DCAKD: variants seen among roughly 807,000 people sequenced by gnomAD.
DCAKD encodes the protein dephospho-CoA kinase domain containing, also known as dephospho-CoA kinase domain-containing protein.
In DCAKD, 15 loss-of-function variants were observed where a neutral mutation model predicts 18.7. The ratio of observed to expected loss-of-function variants is 0.80; its 90% CI spans 0.54 to 1.24. The LOEUF (loss-of-function observed/expected upper bound fraction) is 1.24. Among genes scored for constraint, DCAKD ranks in the 50% most tolerant of loss-of-function variants. DCAKD has a pLI of 0.00. For missense variants in DCAKD, 301 were observed against 322.0 expected (o/e 0.93, Z 0.50); for synonymous variants, 130 against 133.0 (o/e 0.98, Z 0.16).
intron 4 of DCAKD, among the ~76,000 whole-genome samples, chr17:45,027,354 G>A (rs1249948686): frequency 6.6e-6 from 1 of 152,210 alleles, no homozygotes; most frequent in African/African-American, 2.4e-5. Flanking sequence ...ATGAAATCAT[G>A]TTTTGGTATA....
At chr17:45,049,831 T>C (rs2053653101) in intron 1 of DCAKD, among the ~76,000 whole-genome samples, 1 of 146,130 alleles carries the variant, frequency 6.8e-6, no homozygotes, top group African/African-American at 2.5e-5. Context: ...GTGATTCTCC[T>C]ACCTCGACCT....
rs111932723 is a variant in DCAKD at position 45,060,292 on chromosome 17, G to C, written c.-118+596C>G. On this transcript the variant is annotated intron_variant, in intron 1 of 4. Transcript: ENST00000310604. Reference sequence around the variant, plus strand: ...TAATCCCAGCACTTTGCGGGGTTGGGGTAGGAAGATCCTTAGAGGCCAGGA... The same window carrying C: ...TAATCCCAGCACTTTGCGGGGTTGGCGTAGGAAGATCCTTAGAGGCCAGGA... 1.7e-3 allele frequency among the ~76,000 whole-genome samples: 252 copies of C among 152,152 alleles called. 1 individual carries two copies. The highest frequency in any genetic ancestry group is 5.7e-3 in the African/African-American group (238 of 41,506).
intron 4 of DCAKD, among the ~76,000 whole-genome samples, chr17:45,025,741 CTTCTTTTT>C (rs1567827653): frequency 3.2e-5 from 4 of 126,820 alleles, no homozygotes; most frequent in African/African-American, 8.6e-5. Flanking sequence ...ATTTTGGTTC[CTTCTTTTT>C]TTTTTTTTTT....
chr17:45,040,566 A>G (rs1026681769), intron 1 of DCAKD, among the ~76,000 whole-genome samples: 5 of 152,208 alleles, frequency 3.3e-5, no homozygotes, highest in Admixed American at 2.0e-4. Flanking sequence ...TGCAGGAGAA[A>G]TGGAAGCTGG....
At chr17:45,024,993 AACTTTGGCCACAGC>A (rs910572251) in intron 4 of DCAKD, among the ~76,000 whole-genome samples, 1 of 146,706 alleles carries the variant, frequency 6.8e-6, no homozygotes, top group Non-Finnish European at 1.5e-5. Flanking sequence ...ACAAGGGGGG[AACTTTGGCCACAGC>A]TCTTTTTTTT....
chr17:45,053,981 G>A (rs2053754039), upstream of DCAKD: 1 of 483,786 alleles, frequency 2.1e-6, no homozygotes, highest in Non-Finnish European at 4.1e-6. Context: ...AATACCCAGT[G>A]CCCTGCACAG....
chr17:45,033,357 C>A, intron 3 of DCAKD, among the ~76,000 whole-genome samples: 1 of 152,198 alleles, frequency 6.6e-6, no homozygotes, highest in Non-Finnish European at 1.5e-5. Context: ...ACTTGCTTTC[C>A]CAAATGGCTC....
chr17:45,059,298 T>C (rs1417718341), intron 1 of DCAKD, among the ~76,000 whole-genome samples: 1 of 152,186 alleles, frequency 6.6e-6, no homozygotes, highest in East Asian at 1.9e-4. Flanking sequence ...TGTGTTTTAT[T>C]TGTGTTTTCT....
At chr17:45,031,676 G>A in intron 3 of DCAKD, 1 of 985,244 alleles carries the variant, frequency 1.0e-6, no homozygotes, top group Non-Finnish European at 1.2e-6. Context: ...CTCTCCCCTT[G>A]CTGTCCTTTC....
Position 45,024,479 on chromosome 17 carries a change from G to A in DCAKD, c.650C>T (p.Ala217Val), listed in dbSNP as rs374657984. ...FGVLTGLAAI[A>V]SLLYLLTHYL... ...GTGGGTGAGCAGGTAGAGGAGGCTG[G>A]CAATGGCAGCGAGCCCTGTGAGGAC... Residue 217 changes from alanine to valine, a missense_variant, in exon 5 of 5, where the codon GCC becomes GTC. Physicochemically the swap from Ala to Val is moderately conservative, Grantham distance 64. Transcript: ENST00000651974. 1.2e-6 allele frequency: 2 copies of A among 1,613,212 alleles called. No individual in the cohort carries two copies. Among genetic ancestry groups the A allele is most frequent in the Admixed American group, 3.3e-5 (2 of 60,004 alleles).
intron 1 of DCAKD, among the ~76,000 whole-genome samples, chr17:45,035,488 A>AG (rs1036487796): frequency 1.4e-4 from 21 of 151,260 alleles, no homozygotes; most frequent in Non-Finnish European, 3.0e-4. Flanking sequence ...TCTAAAAAAA[A>AG]AAAAAAAAAA....
chr17:45,041,485 T>A (rs1022956861), intron 1 of DCAKD, among the ~76,000 whole-genome samples: 2 of 152,086 alleles, frequency 1.3e-5, no homozygotes, highest in African/African-American at 4.8e-5. Flanking sequence ...TAATTTTTTG[T>A]ATTTTTAGTA....
intron 4 of DCAKD, among the ~76,000 whole-genome samples, chr17:45,025,298 C>T (rs944128674): frequency 5.9e-5 from 9 of 152,118 alleles, no homozygotes; most frequent in African/African-American, 2.2e-4. Flanking sequence ...AAGGATTGTG[C>T]TAAGATGGTA....
chr17:45,030,021 A>G, intron 4 of DCAKD, 71 bp downstream of exon 4: 2 of 1,434,722 alleles, frequency 1.4e-6, no homozygotes, highest in Non-Finnish European at 2.0e-6. Flanking sequence ...GGCAAAGTGC[A>G]AAATGATGTG....
chr17:45,060,664 T>C (rs2053840179), intron 1 of DCAKD, among the ~76,000 whole-genome samples: 1 of 152,230 alleles, frequency 6.6e-6, no homozygotes, highest in Non-Finnish European at 1.5e-5. Context: ...CCTGCCTCCC[T>C]AGCAGTGTGG....
intron 1 of DCAKD, among the ~76,000 whole-genome samples, chr17:45,058,182 G>A (rs186738375): frequency 6.6e-6 from 1 of 151,836 alleles, no homozygotes; most frequent in Non-Finnish European, 1.5e-5. Context: ...AGGCATGGGG[G>A]TGCGCACCTG....
intron 1 of DCAKD, among the ~76,000 whole-genome samples, chr17:45,046,400 G>A (rs576889484): frequency 9.9e-5 from 15 of 152,104 alleles, no homozygotes; most frequent in African/African-American, 2.9e-4. Flanking sequence ...GGCTGATCAC[G>A]AGGTCAGGAA....
chr17:45,034,085 T>C (rs767821589), intron 3 of DCAKD, 102 bp downstream of exon 3: 2 of 1,601,498 alleles, frequency 1.2e-6, no homozygotes, highest in Admixed American at 1.7e-5. Context: ...ACTCATCAGC[T>C]GGGATAACCA....
chr17:45,034,497 G>T, intron 2 of DCAKD, 107 bp from the exon 3 acceptor site: 1 of 1,327,562 alleles, frequency 7.5e-7, no homozygotes, highest in Non-Finnish European at 1.0e-6. Flanking sequence ...GCTTCTTTCA[G>T]GTGGAGCAAA....
Sources: gnomAD v4.1 joint callset for allele counts (sites outside exome capture counted in the v4.1 genomes callset) on GRCh38, gnomAD v4.1.1 for gene constraint, MANE v1.5 for transcripts, NCBI Gene and HGNC (gene_info 2026-07-23, HGNC 2026-07-21) for gene names.